SESTD1: variants seen among roughly 807,000 people sequenced by gnomAD.
The protein encoded by SESTD1 is SEC14 and spectrin domain containing 1, also known as SEC14 domain and spectrin repeat-containing protein 1.
SESTD1 carries 43 observed loss-of-function variants against 101.7 expected under a neutral mutation model. The observed-to-expected ratio is 0.42, with a 90% CI of 0.33 to 0.55. The LOEUF (loss-of-function observed/expected upper bound fraction) is 0.55. SESTD1 is among the 20% of genes least tolerant of loss of function. The probability of loss-of-function intolerance (pLI) is 0.07; values close to 1 mark genes in which losing one functional copy is unlikely to be tolerated. For synonymous variants in SESTD1, 283 were observed against 286.8 expected, an observed-to-expected ratio of 0.99 and a Z score of 0.13; for missense variants, 647 against 815.1, an observed-to-expected ratio of 0.79 and a Z score of 2.51.
chr2:179,247,222 GTTTTT>G (rs1020478461), intron 1 of SESTD1, among the ~76,000 whole-genome samples: 1 of 143,932 alleles, frequency 6.9e-6, no homozygotes, highest in Non-Finnish European at 1.5e-5. Flanking sequence ...GATCAGGGTA[GTTTTT>G]TTTTTTTAAT....
Position 179,107,340 on chromosome 2 carries a change from A to G in SESTD1, c.*2559T>C, listed in dbSNP as rs1167020933. ...AATCATACTTGGCCTCATGTGAAAC[A>G]CTCAATTTACAAGTAACATTTATGA... On this transcript the variant is annotated 3_prime_UTR_variant, in exon 18 of 18. Coordinates refer to ENST00000428443, the MANE Select transcript of SESTD1 (RefSeq NM_178123.5). 6.6e-6 allele frequency: 1 copy of G among 152,148 alleles called. No homozygotes were observed. Among genetic ancestry groups the G allele is most frequent in the Non-Finnish European group, 1.5e-5 (1 of 68,018 alleles). The allele number at this position is 152,148 out of a possible 1,614,324, so 9.4% of individuals were successfully genotyped here. A position where few individuals can be genotyped will look rare whatever the true frequency, so the allele number is the denominator to read the frequency against.
rs565679586 is a variant in SESTD1, at chr2:179,178,530, T to C, written c.165-1992A>G. On this transcript the variant is annotated intron_variant, in intron 3 of 17. Transcript: ENST00000428443. ...TGACACACAATGACTATCTGTGGGC[T>C]CAAGTAATGAGGGGACTCCTGGAGT... 1.4e-4 allele frequency among the ~76,000 whole-genome samples: 22 copies of C among 152,178 alleles called. 1 individual carries two copies. In the East Asian group the frequency reaches 2.5e-3, roughly 17 times the overall value.
At chr2:179,178,040 G>A (rs1428073706) in intron 3 of SESTD1, among the ~76,000 whole-genome samples, 1 of 152,200 alleles carries the variant, frequency 6.6e-6, no homozygotes, top group Non-Finnish European at 1.5e-5. Flanking sequence ...ACAAGGGTTA[G>A]GAGGGAAGAA....
intron 1 of SESTD1, among the ~76,000 whole-genome samples, chr2:179,200,413 A>G (rs2046488441): frequency 6.6e-6 from 1 of 152,126 alleles, no homozygotes; most frequent in African/African-American, 2.4e-5. Flanking sequence ...CAGAATTGGA[A>G]AAAACTACTT....
intron 16 of SESTD1, among the ~76,000 whole-genome samples, chr2:179,113,947 G>A (rs149790029): frequency 2.1e-3 from 312 of 150,378 alleles, no homozygotes; most frequent in African/African-American, 7.0e-3. Flanking sequence ...TGGGGGAGCA[G>A]TACTGTGATT....
At chr2:179,163,972 T>C (rs2045789195) in intron 5 of SESTD1, among the ~76,000 whole-genome samples, 1 of 152,198 alleles carries the variant, frequency 6.6e-6, no homozygotes, top group Non-Finnish European at 1.5e-5. Flanking sequence ...AACCTACCAC[T>C]GAAACTTGCA....
rs1341843739 is a variant in SESTD1, at chr2:179,107,390, A to G, written c.*2509T>C. 3 of 152,196 alleles carry G rather than the reference A, an allele frequency of 2.0e-5. No homozygotes were observed. Among genetic ancestry groups the G allele is most frequent in the African/African-American group, 7.2e-5 (3 of 41,442 alleles). 9.4% of individuals were successfully genotyped at this position (152,196 alleles called of 1,614,324 possible). ...AATCCTGCCTTATTTTACTTTTTGT[A>G]GGCAAGATAGCTTAAGGTATATAAA... On this transcript the variant is annotated 3_prime_UTR_variant, in exon 18 of 18. Coordinates refer to ENST00000428443, the MANE Select transcript of SESTD1 (RefSeq NM_178123.5).
intron 10 of SESTD1, among the ~76,000 whole-genome samples, chr2:179,125,544 G>A (rs990644088): frequency 6.6e-6 from 1 of 152,178 alleles, no homozygotes; most frequent in Non-Finnish European, 1.5e-5. Flanking sequence ...CACATCAGAA[G>A]GGTAACGTGC....
At chr2:179,199,794 T>A (rs1424683850) in intron 1 of SESTD1, among the ~76,000 whole-genome samples, 1 of 152,256 alleles carries the variant, frequency 6.6e-6, no homozygotes, top group Non-Finnish European at 1.5e-5. Flanking sequence ...TAGGTATTGA[T>A]GGGACATATT....
chr2:179,154,728 C>G (rs1286006803), intron 5 of SESTD1, among the ~76,000 whole-genome samples: 1 of 151,896 alleles, frequency 6.6e-6, no homozygotes, highest in African/African-American at 2.4e-5. Flanking sequence ...ACAATTTGGT[C>G]TCTTAAAAAA....
intron 3 of SESTD1, among the ~76,000 whole-genome samples, chr2:179,182,232 T>C (rs959530628): frequency 1.3e-5 from 2 of 151,944 alleles, no homozygotes; most frequent in Non-Finnish European, 2.9e-5. Flanking sequence ...CGTGTTCCTT[T>C]TTCTACCTCT....
At position 179,216,862 on chromosome 2, in the gene SESTD1, G is replaced by A. The variant is rs188932290; in HGVS notation, c.-25-24996C>T. Among the ~76,000 whole-genome samples, 680 of 137,202 alleles carry A rather than the reference G, an allele frequency of 5.0e-3. 56 individuals carry two copies. The highest frequency in any genetic ancestry group is 0.019 in the African/African-American group (653 of 35,202). 90.0% of individuals were successfully genotyped at this position (137,202 alleles called of 152,430 possible). ...CAACCATCTGATCTTTGACAAACCT[G>A]ACAAAAACAAGAAATGGGGAAAGGA... is the stretch of plus-strand genomic sequence containing the variant. On this transcript the variant is annotated intron_variant, in intron 1 of 17. Coordinates refer to ENST00000428443, the MANE Select transcript of SESTD1 (RefSeq NM_178123.5).
At chr2:179,165,502 CT>C (rs1396768992) in intron 5 of SESTD1, among the ~76,000 whole-genome samples, 3 of 152,168 alleles carry the variant, frequency 2.0e-5, no homozygotes, top group African/African-American at 7.2e-5. Context: ...CTATTTACCC[CT>C]GGTTCACTTT....
chr2:179,163,359 AT>A (rs2105465029), intron 5 of SESTD1, among the ~76,000 whole-genome samples: 2 of 152,264 alleles, frequency 1.3e-5, no homozygotes, highest in South Asian at 4.1e-4. Flanking sequence ...TTCATCAACT[AT>A]TTTCAAATAG....
At chr2:179,240,100 A>G (rs908954024) in intron 1 of SESTD1, among the ~76,000 whole-genome samples, 1 of 152,232 alleles carries the variant, frequency 6.6e-6, no homozygotes. Flanking sequence ...GATCAAGGTC[A>G]TGGTATACAG....
intron 12 of SESTD1, among the ~76,000 whole-genome samples, chr2:179,123,147 T>G (rs1458495743): frequency 6.6e-6 from 1 of 152,126 alleles, no homozygotes; most frequent in East Asian, 1.9e-4. Flanking sequence ...TGCTTCCTGC[T>G]GTAGAAAAAT....
chr2:179,174,793 A>C lies in SESTD1; in HGVS notation c.255+1655T>G, dbSNP rs545060175. ...TGGAGCAATATAGTCTCTACAAAAT[A>C]AAAAAAGTAGCCAGGTGTGGTGGCG... On this transcript the variant is annotated intron_variant, in intron 4 of 17. Coordinates refer to ENST00000428443, the MANE Select transcript of SESTD1 (RefSeq NM_178123.5). Among the ~76,000 whole-genome samples the C allele has an allele frequency of 5.3e-5, 8 of 152,174 alleles. No individual in the cohort carries two copies. In the South Asian group the frequency reaches 1.7e-3, roughly 32 times the overall value.
intron 6 of SESTD1, among the ~76,000 whole-genome samples, chr2:179,149,943 A>G (rs2045481339): frequency 6.6e-6 from 1 of 152,230 alleles, no homozygotes; most frequent in Non-Finnish European, 1.5e-5. Context: ...TATGGTGGAA[A>G]TAGGCTGGGT....
At position 179,214,039 on chromosome 2, in the gene SESTD1, A is replaced by C. The variant is rs182294338; in HGVS notation, c.-25-22173T>G. ...CACTGCAAAAACGTGCCAATGTGTAAAGACCATTGATGCTACAAAGAAACT... is the reference window on the plus strand; with the variant it reads ...CACTGCAAAAACGTGCCAATGTGTACAGACCATTGATGCTACAAAGAAACT... On this transcript the variant is annotated intron_variant, in intron 1 of 17. Coordinates refer to ENST00000428443, the MANE Select transcript of SESTD1 (RefSeq NM_178123.5). Among the ~76,000 whole-genome samples, 31 of 135,466 alleles carry C rather than the reference A, an allele frequency of 2.3e-4. 8 individuals carry two copies. The highest frequency in any genetic ancestry group is 3.6e-4 in the Admixed American group (5 of 13,926). 88.9% of individuals were successfully genotyped at this position (135,466 alleles called of 152,430 possible).
Sources: gnomAD v4.1 joint callset for allele counts (sites outside exome capture counted in the v4.1 genomes callset) on GRCh38, gnomAD v4.1.1 for gene constraint, MANE v1.5 for transcripts, NCBI Gene and HGNC (gene_info 2026-07-23, HGNC 2026-07-21) for gene names.